SLC9A6: variants seen among roughly 807,000 people sequenced by gnomAD.
SLC9A6 encodes the protein sodium/hydrogen exchanger 6.
In SLC9A6, 6 loss-of-function variants were observed where a neutral mutation model predicts 45.3. The ratio of observed to expected loss-of-function variants is 0.13; its 90% CI spans 0.07 to 0.26. SLC9A6 has a LOEUF of 0.26. Ranked by LOEUF, SLC9A6 falls within the 10% of genes least tolerant of loss-of-function variation. The probability of loss-of-function intolerance (pLI) is 1.00; values close to 1 mark genes in which losing one functional copy is unlikely to be tolerated. For synonymous variants in SLC9A6, 191 were observed against 187.7 expected, an observed-to-expected ratio of 1.02 and a Z score of -0.14; for missense variants, 278 against 503.7, an observed-to-expected ratio of 0.55 and a Z score of 4.29.
chrX:135,984,942 G>T (rs2089308128), upstream of SLC9A6, among the ~76,000 whole-genome samples: 1 of 110,645 alleles, frequency 9.0e-6, no homozygotes, highest in Non-Finnish European at 1.9e-5. Context: ...ATACCTTTGA[G>T]TCGATTGTTT....
intron 13 of SLC9A6, among the ~76,000 whole-genome samples, 173 bp downstream of exon 13, chrX:136,024,656 A>T (rs1030411971): frequency 8.9e-6 from 1 of 112,269 alleles, no homozygotes; most frequent in Non-Finnish European, 1.9e-5. Flanking sequence ...AGAAAAATTC[A>T]TTGTTAAGAC....
rs2148173826 is a variant in SLC9A6 at position 136,012,941 on chromosome X, A to G, written c.886-8A>G. 1.7e-6 allele frequency: 2 copies of G among 1,168,499 alleles called. No individual in the cohort carries two copies. Among genetic ancestry groups the G allele is most frequent in the Non-Finnish European group, 2.3e-6 (2 of 855,720 alleles). On this transcript the variant is annotated splice_region_variant and splice_polypyrimidine_tract_variant and intron_variant, in intron 8 of 17. Transcript: ENST00000630721. ...ACAAGATCTCATTACTAGCCTTAAC[A>G]GTCTTACGTGACAAAGTTCACCAAA...
rs782605120 is a variant in SLC9A6 at position 136,044,582 on chromosome X, A to G, written c.1898A>G (p.Asn633Ser). Reference protein sequence around the residue: ...TSSAPRRFMGNSSEDALDREL... With the variant: ...TSSAPRRFMGSSSEDALDREL... The stretch of plus-strand genomic sequence containing the variant: ...AGCGCCCCAAGGAGATTTATGGGAA[A>G]CAGTTCTGAAGATGCCTTGGATCGG... The change falls in exon 18 of 18, where the codon AAC becomes AGC. Residue 633 changes from asparagine to serine, a missense_variant. Asn to Ser is a conservative substitution (Grantham distance 46). Transcript: ENST00000630721. The G allele has an allele frequency of 3.6e-5, 44 of 1,209,633 alleles. No individual in the cohort carries two copies. The highest frequency in any genetic ancestry group is 4.9e-5 in the Non-Finnish European group (44 of 895,137).
intron 10 of SLC9A6, among the ~76,000 whole-genome samples, chrX:136,015,978 T>A (rs781943988): frequency 9.0e-6 from 1 of 111,192 alleles, no homozygotes; most frequent in South Asian, 3.8e-4. Flanking sequence ...GCCAAGGCTA[T>A]GATGTGAATG....
At chrX:135,974,578 T>G (rs1238562602), upstream of SLC9A6, 1 of 335,390 alleles carries the variant, frequency 3.0e-6, no homozygotes, top group African/African-American at 2.7e-5. Context: ...CTGACAGTTG[T>G]GTTTTGTGGG....
chrX:135,974,590 T>C (rs1200374428), upstream of SLC9A6: 6 of 336,593 alleles, frequency 1.8e-5, no homozygotes, highest in Non-Finnish European at 1.8e-5. Flanking sequence ...TTTTGTGGGT[T>C]GGTTGGTTTT....
At chrX:136,020,887 C>T (rs372572854) in intron 11 of SLC9A6, among the ~76,000 whole-genome samples, 37 of 107,384 alleles carry the variant, frequency 3.4e-4, no homozygotes, top group African/African-American at 1.2e-3. Flanking sequence ...TACTTCCTTA[C>T]TCCCTGGAAC....
chrX:136,009,155 A>G (rs2070872280), intron 7 of SLC9A6, among the ~76,000 whole-genome samples: 1 of 111,555 alleles, frequency 9.0e-6, no homozygotes, highest in Non-Finnish European at 1.9e-5. Flanking sequence ...GGGACCCTTT[A>G]TATATATGTA....
At chrX:135,979,124 G>A (rs782769006) in intron 1 of SLC9A6, among the ~76,000 whole-genome samples, 1 of 111,519 alleles carries the variant, frequency 9.0e-6, no homozygotes. Context: ...TTCCTTGGCA[G>A]TACTTATTGT....
intron 7 of SLC9A6, among the ~76,000 whole-genome samples, chrX:136,006,299 GT>G (rs1195711569): frequency 2.4e-4 from 25 of 104,143 alleles, no homozygotes; most frequent in Middle Eastern, 5.0e-3. Flanking sequence ...TTTCTGTCTG[GT>G]TTTTTTTTTT....
chrX:136,001,361 A>C (rs900933612), intron 6 of SLC9A6, among the ~76,000 whole-genome samples: 1 of 107,876 alleles, frequency 9.3e-6, no homozygotes, highest in Non-Finnish European at 1.9e-5. Context: ...AAAAAAAACC[A>C]AAAGGCTCAC....
Position 136,010,426 on chromosome X carries a change from A to T in SLC9A6, c.744-16A>T. On this transcript the variant is annotated splice_polypyrimidine_tract_variant and intron_variant, in intron 7 of 17. Coordinates refer to ENST00000630721, the MANE Select transcript of SLC9A6 (RefSeq NM_001379110.1). ...AAAGGTTGTTTTCAGAAGTAAAAGC[A>T]GTCTCTCTTCTGTAGCTCAATAGTG... 8.3e-7 allele frequency: 1 copy of T among 1,208,784 alleles called. No individual in the cohort carries two copies. Among genetic ancestry groups the T allele is most frequent in the Non-Finnish European group, 1.1e-6 (1 of 892,855 alleles).
At chrX:135,998,015 T>G in intron 3 of SLC9A6, 93 bp from the exon 4 acceptor site, 1 of 540,246 alleles carries the variant, frequency 1.9e-6, no homozygotes, top group Non-Finnish European at 3.4e-6. Flanking sequence ...CTTTGACTAG[T>G]TTAACATATA....
chrX:136,030,647 C>A (rs1267683156), intron 15 of SLC9A6, among the ~76,000 whole-genome samples: 2 of 111,716 alleles, frequency 1.8e-5, no homozygotes, highest in African/African-American at 6.5e-5. Flanking sequence ...GGGAAACGCA[C>A]TTTCTTACCT....
chrX:135,986,274 G>T (rs2089338564), intron 2 of SLC9A6, among the ~76,000 whole-genome samples: 1 of 110,380 alleles, frequency 9.1e-6, no homozygotes, highest in South Asian at 3.9e-4. Context: ...AGAATCTGGC[G>T]TTCTTTTGGA....
At chrX:135,984,837 A>T (rs1364311274), upstream of SLC9A6, among the ~76,000 whole-genome samples, 1 of 111,796 alleles carries the variant, frequency 8.9e-6, no homozygotes, top group Admixed American at 9.4e-5. Flanking sequence ...TGTAAGGTTG[A>T]TGAGTTTCTG....
Position 136,002,125 on chromosome X carries a change from T to G in SLC9A6, c.655T>G (p.Phe219Val), listed in dbSNP as rs782298319. The G allele has an allele frequency of 8.3e-7, 1 of 1,199,946 alleles. No individual in the cohort carries two copies. Among genetic ancestry groups the G allele is most frequent in the African/African-American group, 1.8e-5 (1 of 56,989 alleles). ...CTTACTAGTGACTGTTCTTGCTATA[T>G]TCCACGAGCTTCAAGTTGATGTTGA... is the stretch of plus-strand genomic sequence containing the variant. Reference protein sequence around the residue: ...ATDPVTVLAIFHELQVDVELY... With the variant: ...ATDPVTVLAIVHELQVDVELY... Residue 219 changes from phenylalanine to valine, a missense_variant, in exon 7 of 18, where the codon TTC (phenylalanine) becomes GTC (valine). By Grantham distance (50) the Phe-to-Val change is conservative (BLOSUM62 -1). Transcript: ENST00000630721.
chrX:135,980,084 C>T (rs1201918481), intron 1 of SLC9A6, among the ~76,000 whole-genome samples: 1 of 111,942 alleles, frequency 8.9e-6, no homozygotes, highest in Non-Finnish European at 1.9e-5. Context: ...TCATTCACCC[C>T]CTTTTCTGTT....
At chrX:136,010,387 GT>G (rs200585663) in intron 7 of SLC9A6, 54 bp from the exon 8 acceptor site, 2 of 1,168,693 alleles carry the variant, frequency 1.7e-6, no homozygotes, top group Non-Finnish European at 2.3e-6. Flanking sequence ...ACTACATAAT[GT>G]TTTTTTAAAA....
Sources: allele counts gnomAD v4.1 joint callset (sites outside exome capture counted in the v4.1 genomes callset), GRCh38; gene constraint gnomAD v4.1.1; transcripts MANE v1.5; gene names NCBI Gene and HGNC (gene_info 2026-07-23, HGNC 2026-07-21).